Variants in TAS2R1 observed in about 807,000 individuals in gnomAD.
The protein encoded by TAS2R1 is taste receptor type 2 member 1.
For synonymous variants in TAS2R1, 141 were observed against 134.2 expected, an observed-to-expected ratio of 1.05 and a Z score of -0.35; for missense variants, 370 against 353.4, an observed-to-expected ratio of 1.05 and a Z score of -0.38.
the TAS2R1 span, among the ~76,000 whole-genome samples, chr5:9,723,882 T>C: frequency 6.6e-6 from 1 of 152,200 alleles, no homozygotes; most frequent in Non-Finnish European, 1.5e-5. Flanking sequence ...CGCTTGGACA[T>C]TGGTCCCAAT....
chr5:9,902,035 G>A, the TAS2R1 span, among the ~76,000 whole-genome samples: 13 of 152,108 alleles, frequency 8.5e-5, no homozygotes, highest in Non-Finnish European at 1.5e-4. Flanking sequence ...TTGATGTTAC[G>A]TCTGTCCCTC....
chr5:9,640,591 A>C (rs1397490309), intron 2 of TAS2R1, among the ~76,000 whole-genome samples: 2 of 151,594 alleles, frequency 1.3e-5, no homozygotes, highest in Non-Finnish European at 2.9e-5. Context: ...AGGGAAGCCA[A>C]GAACTCTCAG....
At chr5:9,866,276 CT>C in the TAS2R1 span, among the ~76,000 whole-genome samples, 1 of 152,156 alleles carries the variant, frequency 6.6e-6, no homozygotes, top group African/African-American at 2.4e-5. Flanking sequence ...AATCCTTCAT[CT>C]TGTAATTGTA....
At chr5:9,889,337 G>A in the TAS2R1 span, among the ~76,000 whole-genome samples, 6 of 152,152 alleles carry the variant, frequency 3.9e-5, no homozygotes, top group Non-Finnish European at 5.9e-5. Context: ...AGGATGTCTG[G>A]TAGGGAGAAG....
chr5:9,657,301 C>T (rs1258479779), intron 2 of TAS2R1, among the ~76,000 whole-genome samples: 2 of 152,100 alleles, frequency 1.3e-5, no homozygotes, highest in African/African-American at 2.4e-5. Flanking sequence ...GCTTTGAAAG[C>T]TTGACTTACA....
the TAS2R1 span, among the ~76,000 whole-genome samples, chr5:9,798,106 A>C: frequency 6.6e-6 from 1 of 152,234 alleles, no homozygotes; most frequent in Non-Finnish European, 1.5e-5. Flanking sequence ...CATTAGGCTA[A>C]ATGAAAGAAG....
chr5:9,895,693 A>G, the TAS2R1 span, among the ~76,000 whole-genome samples: 1 of 152,226 alleles, frequency 6.6e-6, no homozygotes, highest in Admixed American at 6.5e-5. Flanking sequence ...CTATCAACAG[A>G]TCTGCCCCAG....
At chr5:9,649,095 A>C (rs1740253750) in intron 2 of TAS2R1, among the ~76,000 whole-genome samples, 1 of 152,188 alleles carries the variant, frequency 6.6e-6, no homozygotes, top group African/African-American at 2.4e-5. Context: ...TACAACTAAC[A>C]ACAACCTTAA....
At chr5:9,769,620 T>C in the TAS2R1 span, among the ~76,000 whole-genome samples, 2 of 152,246 alleles carry the variant, frequency 1.3e-5, no homozygotes, top group African/African-American at 4.8e-5. Context: ...TGGAGTAAGA[T>C]AATATCTCAT....
At chr5:9,876,234 C>CAA in the TAS2R1 span, among the ~76,000 whole-genome samples, 8 of 121,100 alleles carry the variant, frequency 6.6e-5, no homozygotes, top group African/African-American at 2.1e-4. Flanking sequence ...GACGACAAAC[C>CAA]AAAAAAAAAA....
intron 1 of TAS2R1, among the ~76,000 whole-genome samples, chr5:9,687,131 A>G (rs1170420854): frequency 6.6e-6 from 1 of 152,072 alleles, no homozygotes; most frequent in Non-Finnish European, 1.5e-5. Flanking sequence ...TGCCTGGCTA[A>G]TTTTGTATTT....
chr5:9,706,921 A>C (rs1046512461), intron 1 of TAS2R1, among the ~76,000 whole-genome samples: 4 of 152,282 alleles, frequency 2.6e-5, no homozygotes, highest in Admixed American at 6.5e-5. Context: ...TTGAAGTATT[A>C]AATGATGCGG....
At chr5:9,794,714 G>A in the TAS2R1 span, among the ~76,000 whole-genome samples, 9 of 152,034 alleles carry the variant, frequency 5.9e-5, no homozygotes, top group East Asian at 1.9e-4. Flanking sequence ...TACCTCATAC[G>A]AATTCAGAAA....
At chr5:9,791,690 C>A in the TAS2R1 span, among the ~76,000 whole-genome samples, 3 of 152,248 alleles carry the variant, frequency 2.0e-5, no homozygotes, top group Admixed American at 2.0e-4. Context: ...TGAAGCAAGA[C>A]TCCATCTAAA....
At chr5:9,737,619 G>A in the TAS2R1 span, among the ~76,000 whole-genome samples, 9 of 152,124 alleles carry the variant, frequency 5.9e-5, no homozygotes, top group East Asian at 1.9e-4. Context: ...CAAGGAGAGC[G>A]AGGAGCTGCC....
chr5:9,844,323 C>T, the TAS2R1 span, among the ~76,000 whole-genome samples: 2 of 152,122 alleles, frequency 1.3e-5, no homozygotes, highest in African/African-American at 2.4e-5. Flanking sequence ...GATCTAAACC[C>T]TAACTCTCTA....
At chr5:9,635,213 T>C (rs1739941476), upstream of TAS2R1, among the ~76,000 whole-genome samples, 1 of 152,160 alleles carries the variant, frequency 6.6e-6, no homozygotes. Flanking sequence ...TCATATGATT[T>C]TTGTTTTTAA....
the TAS2R1 span, among the ~76,000 whole-genome samples, chr5:9,774,587 T>G: frequency 6.6e-6 from 1 of 152,228 alleles, no homozygotes; most frequent in East Asian, 1.9e-4. Context: ...TTTCCAGAGA[T>G]TTGAAGGCAC....
chr5:9,813,961 T>C, the TAS2R1 span, among the ~76,000 whole-genome samples: 3 of 152,202 alleles, frequency 2.0e-5, no homozygotes, highest in Non-Finnish European at 2.9e-5. Context: ...TAGGTTACCT[T>C]AGCTCCTCTA....
Sources: allele counts gnomAD v4.1 joint callset (sites outside exome capture counted in the v4.1 genomes callset), GRCh38; gene constraint gnomAD v4.1.1; transcripts MANE v1.5; gene names NCBI Gene and HGNC (gene_info 2026-07-23, HGNC 2026-07-21).